The following FHOD3 variants were observed in gnomAD, a reference collection of about 807,000 sequenced individuals.
FHOD3 encodes the protein FH1/FH2 domain-containing protein 3.
In FHOD3, 90 loss-of-function variants were observed where a neutral mutation model predicts 173.0. That is an observed-to-expected ratio of 0.52 (90% CI 0.44 to 0.62). The LOEUF is 0.62. Among genes scored for constraint, FHOD3 ranks in the 20% least tolerant of loss-of-function variants. The pLI is 0.00. For synonymous variants in FHOD3, 828 were observed against 823.0 expected (o/e 1.01, Z -0.10); for missense variants, 1,945 against 2,034.7 (o/e 0.96, Z 0.85).
In FHOD3 at chr18:36,297,915, G is replaced by C. The variant is rs755501978; in HGVS notation, c.80G>C (p.Arg27Pro). The C allele has an allele frequency of 3.9e-4, 610 of 1,559,724 alleles. 1 individual carries two copies. The highest frequency in any genetic ancestry group is 5.1e-4 in the Non-Finnish European group (587 of 1,153,558). Residue 27 changes from arginine (R) to proline (P), a missense_variant, in exon 1 of 29, where the codon CGG becomes CCG. Physicochemically the swap from Arg to Pro is moderately radical, Grantham distance 103. Transcript: ENST00000590592. ...AGCACCAACTTCCCCGAGCCCAGCC[G>C]GCCGCCGCTGTTCACGTTCCGCGAG... ...FNSTNFPEPS[R>P]PPLFTFREDL...
chr18:36,598,498 G>A (rs1378343375), intron 7 of FHOD3, among the ~76,000 whole-genome samples: 1 of 152,154 alleles, frequency 6.6e-6, no homozygotes, highest in Admixed American at 6.5e-5. Flanking sequence ...AAAGCCAAAG[G>A]GGTTAAAGTC....
At chr18:36,547,318 G>A (rs1391739775) in intron 5 of FHOD3, among the ~76,000 whole-genome samples, 2 of 152,216 alleles carry the variant, frequency 1.3e-5, no homozygotes, top group African/African-American at 2.4e-5. Context: ...CACCACAGCC[G>A]AGACTCACAG....
At chr18:36,697,607 T>C (rs1222522560) in intron 17 of FHOD3, among the ~76,000 whole-genome samples, 1 of 152,178 alleles carries the variant, frequency 6.6e-6, no homozygotes, top group Non-Finnish European at 1.5e-5. Flanking sequence ...GATTCCAGGG[T>C]ATTTCCAAAT....
intron 3 of FHOD3, among the ~76,000 whole-genome samples, chr18:36,470,273 C>T (rs2145097807): frequency 6.6e-6 from 1 of 152,330 alleles, no homozygotes; most frequent in Admixed American, 6.5e-5. Context: ...AGATGCCTAT[C>T]ACACAGAAGA....
rs184244083 is a variant in FHOD3 at position 36,435,393 on chromosome 18, G to A, written c.337+62649G>A. Among the ~76,000 whole-genome samples, 14 of 152,044 alleles carry A rather than the reference G, an allele frequency of 9.2e-5. No individual in the cohort carries two copies. In the East Asian group the frequency reaches 2.5e-3, roughly 27 times the overall value. Reference sequence around the variant, plus strand: ...TTATTGAAAACAAAAATAATTCTTTGAAAGAAAGAATCCAGTTAAAGAGCT... The same window carrying A: ...TTATTGAAAACAAAAATAATTCTTTAAAAGAAAGAATCCAGTTAAAGAGCT... On this transcript the variant is annotated intron_variant, in intron 3 of 28. Transcript: ENST00000590592.
At chr18:36,624,623 G>A (rs79711417) in intron 9 of FHOD3, among the ~76,000 whole-genome samples, 21,771 of 151,908 alleles carry the variant, frequency 0.14, 1,652 homozygotes, top group African/African-American at 0.18. Flanking sequence ...GAGATTAAGA[G>A]ATGGAAAAGC....
intron 3 of FHOD3, among the ~76,000 whole-genome samples, chr18:36,441,542 C>T (rs769042972): frequency 4.6e-5 from 7 of 152,116 alleles, no homozygotes; most frequent in South Asian, 2.1e-4. Context: ...GACTGCTGGA[C>T]GTCTCTGTGG....
chr18:36,380,428 T>G (rs2047680457), intron 3 of FHOD3, among the ~76,000 whole-genome samples: 1 of 151,188 alleles, frequency 6.6e-6, no homozygotes, highest in Non-Finnish European at 1.5e-5. Context: ...ACTTCGGTCA[T>G]CTCCCTTCCT....
intron 3 of FHOD3, among the ~76,000 whole-genome samples, chr18:36,450,444 TTTATTTATTTATTTA>T (rs2051770109): frequency 1.8e-5 from 1 of 55,840 alleles, no homozygotes; most frequent in African/African-American, 5.7e-5. Context: ...GACCAGTTTG[TTTATTTATTTATTTA>T]TTTATTTATT....
intron 3 of FHOD3, among the ~76,000 whole-genome samples, chr18:36,494,175 G>A (rs1308312833): frequency 6.6e-6 from 1 of 152,128 alleles, no homozygotes; most frequent in Non-Finnish European, 1.5e-5. Flanking sequence ...TGAACAGGAA[G>A]CATAGCACCC....
At chr18:36,751,623 CTTA>C (rs2042405116) in intron 24 of FHOD3, among the ~76,000 whole-genome samples, 2 of 152,168 alleles carry the variant, frequency 1.3e-5, no homozygotes, top group African/African-American at 2.4e-5. Context: ...ATAGATGGCC[CTTA>C]TTATTATATT....
intron 14 of FHOD3, among the ~76,000 whole-genome samples, chr18:36,669,374 T>A (rs1461357161): frequency 1.3e-5 from 2 of 151,986 alleles, no homozygotes; most frequent in African/African-American, 4.8e-5. Flanking sequence ...ATCTTTTTTT[T>A]AATCCAGTCT....
chr18:36,412,434 T>C (rs1454334856), intron 3 of FHOD3, among the ~76,000 whole-genome samples: 1 of 152,246 alleles, frequency 6.6e-6, no homozygotes, highest in Non-Finnish European at 1.5e-5. Context: ...ATAAAAATGT[T>C]GCTGCAATGC....
intron 3 of FHOD3, among the ~76,000 whole-genome samples, chr18:36,466,530 TGGG>T (rs1235622194): frequency 2.0e-5 from 3 of 152,124 alleles, no homozygotes; most frequent in African/African-American, 7.2e-5. Context: ...GGCTTTTAAA[TGGG>T]GGGAATATCT....
At chr18:36,664,364 C>T (rs1390800490) in intron 14 of FHOD3, among the ~76,000 whole-genome samples, 1 of 152,174 alleles carries the variant, frequency 6.6e-6, no homozygotes, top group Non-Finnish European at 1.5e-5. Flanking sequence ...TGCGCAGAAG[C>T]AGTCTTCCCA....
intron 17 of FHOD3, among the ~76,000 whole-genome samples, chr18:36,696,158 C>T (rs2033116): frequency 0.12 from 18,734 of 152,140 alleles, 1,506 homozygotes; most frequent in Non-Finnish European, 0.18. Context: ...AGATGGAAAG[C>T]TGTGCTTCAG....
intron 15 of FHOD3, among the ~76,000 whole-genome samples, chr18:36,685,806 A>G (rs2038572349): frequency 6.6e-6 from 1 of 152,236 alleles, no homozygotes; most frequent in Non-Finnish European, 1.5e-5. Flanking sequence ...GAGATGACTA[A>G]CCACATAGTC....
At chr18:36,474,150 CT>C (rs2053431993) in intron 3 of FHOD3, among the ~76,000 whole-genome samples, 1 of 152,162 alleles carries the variant, frequency 6.6e-6, no homozygotes, top group South Asian at 2.1e-4. Flanking sequence ...GTAAGAAGAC[CT>C]GGAAGGGACT....
At chr18:36,604,448 C>G (rs539436446) in intron 8 of FHOD3, among the ~76,000 whole-genome samples, 1 of 152,322 alleles carries the variant, frequency 6.6e-6, no homozygotes, top group Admixed American at 6.5e-5. Flanking sequence ...CCTCAGCAGA[C>G]AGATGATTGG....
Sources: gnomAD v4.1 joint callset for allele counts (sites outside exome capture counted in the v4.1 genomes callset) on GRCh38, gnomAD v4.1.1 for gene constraint, MANE v1.5 for transcripts, NCBI Gene and HGNC (gene_info 2026-07-23, HGNC 2026-07-21) for gene names.